IFT122: variants seen among roughly 807,000 people sequenced by gnomAD.
The protein encoded by IFT122 is intraflagellar transport 122, also known as intraflagellar transport protein 122 homolog.
In IFT122, 118 loss-of-function variants were observed where a neutral mutation model predicts 161.6. The ratio of observed to expected loss-of-function variants is 0.73; its 90% CI spans 0.63 to 0.85. The LOEUF (loss-of-function observed/expected upper bound fraction) is 0.85. Among genes scored for constraint, IFT122 ranks in the 40% least tolerant of loss-of-function variants. IFT122 has a pLI of 0.00. For missense variants in IFT122, 1,381 were observed against 1,579.6 expected (o/e 0.87, Z 2.13); for synonymous variants, 550 against 602.4 (o/e 0.91, Z 1.27).
chr3:129,466,952 G>A lies in IFT122; in HGVS notation c.626G>A (p.Arg209Lys). 6.2e-7 allele frequency: 1 copy of A among 1,614,212 alleles called. No individual in the cohort carries two copies. The change falls in exon 8 of 30, where the codon AGA (arginine) becomes AAA (lysine). Residue 209 changes from arginine to lysine, a missense_variant. Physicochemically the swap from Arg to Lys is conservative, Grantham distance 26 (BLOSUM62 2). Around this residue, in one of 7 missense-constraint regions of IFT122, gnomAD observed 544 missense variants for 648.0 expected, o/e 0.84. Transcript: ENST00000348417. ...NEDAEDVIVN[R>K]YIQEIPSTLK... The stretch of plus-strand genomic sequence containing the variant: ...GATGCCGAGGATGTCATTGTCAACA[G>A]ATATATTCAGGAAATCCCTTCCACT...
chr3:129,442,242 A>AT (rs59968045), intron 1 of IFT122, among the ~76,000 whole-genome samples: 20,170 of 152,112 alleles, frequency 0.13, 1,716 homozygotes, highest in South Asian at 0.24. Flanking sequence ...ATAAGAGTTA[A>AT]TTTTTTAAAT....
intron 9 of IFT122, among the ~76,000 whole-genome samples, chr3:129,475,459 C>T (rs534154342): frequency 3.9e-5 from 6 of 152,190 alleles, no homozygotes; most frequent in Non-Finnish European, 5.9e-5. Flanking sequence ...TGAGACTAGC[C>T]GGGACAACAA....
At chr3:129,516,719 CACACACAGAG>C (rs1327864220) in intron 26 of IFT122, among the ~76,000 whole-genome samples, 1 of 111,660 alleles carries the variant, frequency 9.0e-6, no homozygotes, top group Non-Finnish European at 1.8e-5. Context: ...CACACACACA[CACACACAGAG>C]AGACTGCCCC....
At position 129,499,816 on chromosome 3, in the gene IFT122, C is replaced by T. The variant is rs2081322301; in HGVS notation, c.2209-86C>T. 2.6e-6 allele frequency: 4 copies of T among 1,541,138 alleles called. No homozygotes were observed. The Admixed American group carries it at 6.7e-5, about 26-fold the overall frequency. ...GGTTGCCTGCTTCAGCCATGTGGAG[C>T]CCGCCCTTGCTGCTAGAAAAGCCTG... On this transcript the variant is annotated intron_variant, in intron 18 of 29. Transcript: ENST00000348417.
intron 23 of IFT122, among the ~76,000 whole-genome samples, chr3:129,511,512 C>T (rs545946113): frequency 6.6e-6 from 1 of 152,266 alleles, no homozygotes; most frequent in South Asian, 2.1e-4. Context: ...TGCTGTAATC[C>T]TCACCATCTA....
intron 11 of IFT122, 107 bp downstream of exon 11, chr3:129,476,908 TG>T: frequency 7.0e-7 from 1 of 1,438,074 alleles, no homozygotes; most frequent in Non-Finnish European, 9.7e-7. Flanking sequence ...TTTGGCGTTT[TG>T]CAAACCTGTT....
intron 24 of IFT122, chr3:129,512,905 G>C (rs1401354621): frequency 9.8e-6 from 2 of 204,202 alleles, no homozygotes; most frequent in Non-Finnish European, 2.0e-5. Context: ...TGCTGTGTCT[G>C]AGGGTGGAAT....
In IFT122 at chr3:129,485,210, G is replaced by A. The variant is rs9862434; in HGVS notation, c.1851+1528G>A. Among the ~76,000 whole-genome samples the A allele has an allele frequency of 8.8e-3, 1,334 of 152,320 alleles. 20 individuals carry two copies. The highest frequency in any genetic ancestry group is 0.03 in the African/African-American group (1,240 of 41,554). On this transcript the variant is annotated intron_variant, in intron 15 of 29. Transcript: ENST00000348417. ...CGCCTTGGCATAAATTCCTAGAAATGAAATTGCTGGGTCAAAGCACGTGTA... is the reference window on the plus strand; with the variant it reads ...CGCCTTGGCATAAATTCCTAGAAATAAAATTGCTGGGTCAAAGCACGTGTA...
intron 25 of IFT122, 82 bp downstream of exon 25, chr3:129,514,636 G>A: frequency 2.6e-6 from 4 of 1,516,494 alleles, no homozygotes; most frequent in Non-Finnish European, 3.7e-6. Flanking sequence ...CCTGGGTTCC[G>A]TTTGAAGAGA....
At position 129,451,976 on chromosome 3, in the gene IFT122, C is replaced by T. The variant is rs761262414; in HGVS notation, c.171C>T (p.Tyr57=). 1.9e-6 allele frequency: 3 copies of T among 1,613,732 alleles called. 1 individual carries two copies. The highest frequency in any genetic ancestry group is 3.3e-4 in the Middle Eastern group (2 of 6,084). ...QPLKGHKDTV[Y]CVAYAKDGKR... ...TCAAGGGACACAAAGACACTGTGTA[C>T]TGTGTGGCATATGCGAAGGATGGTA... Residue 57 remains tyrosine, a synonymous_variant, in exon 3 of 30, where the codon TAC becomes TAT. Coordinates refer to ENST00000348417, the MANE Select transcript of IFT122 (RefSeq NM_052989.3).
intron 1 of IFT122, among the ~76,000 whole-genome samples, chr3:129,443,573 T>A (rs1210065924): frequency 6.6e-6 from 1 of 152,250 alleles, no homozygotes; most frequent in Non-Finnish European, 1.5e-5. Flanking sequence ...GGTGATTTCA[T>A]AATTATATTT....
intron 18 of IFT122, among the ~76,000 whole-genome samples, chr3:129,499,600 G>A (rs1160983558): frequency 6.6e-6 from 1 of 152,246 alleles, no homozygotes; most frequent in Non-Finnish European, 1.5e-5. Flanking sequence ...GCCCCAAATA[G>A]TCTAGAAAGT....
chr3:129,498,613 A>G (rs1377484998), intron 18 of IFT122, among the ~76,000 whole-genome samples: 1 of 152,168 alleles, frequency 6.6e-6, no homozygotes, highest in Non-Finnish European at 1.5e-5. Context: ...AGGCCGACCT[A>G]ATACTCTGAA....
At chr3:129,470,876 G>A (rs1235980383) in intron 9 of IFT122, among the ~76,000 whole-genome samples, 2 of 152,212 alleles carry the variant, frequency 1.3e-5, no homozygotes. Flanking sequence ...CCTGGCTGGA[G>A]ATGTGATTAT....
At chr3:129,459,674 C>A (rs183136889) in intron 4 of IFT122, among the ~76,000 whole-genome samples, 1 of 78,076 alleles carries the variant, frequency 1.3e-5, no homozygotes, top group African/African-American at 5.7e-5. Flanking sequence ...CCTTCCCTCC[C>A]TCCCTCCCTT....
chr3:129,467,556 G>A (rs1363097721), intron 8 of IFT122, among the ~76,000 whole-genome samples: 1 of 152,120 alleles, frequency 6.6e-6, no homozygotes, highest in Non-Finnish European at 1.5e-5. Context: ...TTCTTAGCCT[G>A]TTCCCACACT....
intron 26 of IFT122, 39 bp downstream of exon 26, chr3:129,515,638 TGTGGACAGCC>T (rs2083399895): frequency 4.0e-6 from 6 of 1,513,282 alleles, no homozygotes; most frequent in Non-Finnish European, 5.5e-6. Flanking sequence ...TGGGACAGCC[TGTGGACAGCC>T]AGGCTCACTC....
At chr3:129,463,454 C>A in intron 5 of IFT122, 106 bp from the exon 6 acceptor site, 1 of 863,534 alleles carries the variant, frequency 1.2e-6, no homozygotes, top group Non-Finnish European at 2.0e-6. Flanking sequence ...AGCATAAAAT[C>A]CTGGAGATCC....
At position 129,517,602 on chromosome 3, in the gene IFT122, T is replaced by C. The variant is rs1193309270; in HGVS notation, c.3391+8T>C. The stretch of plus-strand genomic sequence containing the variant: ...TAGAGATTGCAAACAACAGTATCCA[T>C]GCCCTTGGCCAGAGCCTGTGTGTGC... On this transcript the variant is annotated splice_region_variant and intron_variant, in intron 27 of 29. Transcript: ENST00000348417. 1 of 1,612,238 alleles carries C rather than the reference T, an allele frequency of 6.2e-7. No individual in the cohort carries two copies. Among genetic ancestry groups the C allele is most frequent in the East Asian group, 2.2e-5 (1 of 44,786 alleles).
Sources: allele counts gnomAD v4.1 joint callset (sites outside exome capture counted in the v4.1 genomes callset), GRCh38; gene constraint gnomAD v4.1.1; regional missense constraint gnomAD v4.1.1; transcripts MANE v1.5; gene names NCBI Gene and HGNC (gene_info 2026-07-23, HGNC 2026-07-21).